CNTN1: variants seen among roughly 807,000 people sequenced by gnomAD.
The protein encoded by CNTN1 is contactin-1.
A neutral mutation model predicts 126.4 loss-of-function variants in CNTN1; 38 were observed. The observed-to-expected ratio is 0.30, with a 90% confidence interval of 0.23 to 0.39. CNTN1 has a LOEUF of 0.39. Among genes scored for constraint, CNTN1 ranks in the 10% least tolerant of loss-of-function variants. CNTN1 has a pLI of 1.00. For missense variants in CNTN1, 1,009 were observed against 1,248.4 expected (o/e 0.81, Z 2.89); for synonymous variants, 413 against 422.6 (o/e 0.98, Z 0.28).
chr12:40,795,588 C>G (rs1266287115), intron 1 of CNTN1, among the ~76,000 whole-genome samples: 1 of 151,996 alleles, frequency 6.6e-6, no homozygotes, highest in Non-Finnish European at 1.5e-5. Context: ...TACACACACA[C>G]ACACACATAT....
chr12:41,007,662 G>C (rs1948535847), intron 17 of CNTN1, among the ~76,000 whole-genome samples: 1 of 152,138 alleles, frequency 6.6e-6, no homozygotes, highest in African/African-American at 2.4e-5. Context: ...CTCACAGATT[G>C]GTTTGATCAG....
At chr12:40,981,154 T>C (rs1947808945) in intron 16 of CNTN1, 87 bp downstream of exon 16, 1 of 1,267,160 alleles carries the variant, frequency 7.9e-7, no homozygotes, top group African/African-American at 1.5e-5. Context: ...TTTAAAAATG[T>C]CATTATCTAC....
At chr12:40,974,782 T>A (rs1368761767) in intron 15 of CNTN1, among the ~76,000 whole-genome samples, 1 of 152,092 alleles carries the variant, frequency 6.6e-6, no homozygotes, top group Non-Finnish European at 1.5e-5. Context: ...AGCACTTACA[T>A]CATAGGGTTA....
chr12:40,831,066 G>GTAGATATACTATACATATAC (rs1941819461), intron 1 of CNTN1, among the ~76,000 whole-genome samples: 1 of 136,442 alleles, frequency 7.3e-6, no homozygotes, highest in African/African-American at 2.9e-5. Context: ...ATACAATACA[G>GTAGATATACTATACATATAC]TATATATACT....
At chr12:40,724,983 A>T (rs187480888) in intron 1 of CNTN1, among the ~76,000 whole-genome samples, 73 of 152,310 alleles carry the variant, frequency 4.8e-4, no homozygotes, top group Admixed American at 9.8e-4. Flanking sequence ...ATATAAAGAG[A>T]CCAAAATTAC....
intron 1 of CNTN1, among the ~76,000 whole-genome samples, chr12:40,899,553 C>A (rs774854868): frequency 6.6e-6 from 1 of 152,134 alleles, no homozygotes; most frequent in Non-Finnish European, 1.5e-5. Flanking sequence ...TATCATGCAT[C>A]TTCTAATTTT....
At chr12:40,830,392 T>C (rs1157642399) in intron 1 of CNTN1, among the ~76,000 whole-genome samples, 2 of 151,220 alleles carry the variant, frequency 1.3e-5, no homozygotes, top group Non-Finnish European at 3.0e-5. Flanking sequence ...GTATTAGATA[T>C]AATTGGAAAT....
At chr12:40,991,174 T>C (rs1320345142) in intron 16 of CNTN1, among the ~76,000 whole-genome samples, 2 of 152,224 alleles carry the variant, frequency 1.3e-5, no homozygotes, top group Non-Finnish European at 2.9e-5. Context: ...TTCTTTCAGC[T>C]TCTGATGGCT....
At chr12:40,740,934 A>T (rs576803851) in intron 1 of CNTN1, among the ~76,000 whole-genome samples, 19 of 152,186 alleles carry the variant, frequency 1.2e-4, no homozygotes, top group African/African-American at 4.1e-4. Flanking sequence ...TGAAGTCATT[A>T]TACCTCTTTT....
intron 1 of CNTN1, among the ~76,000 whole-genome samples, chr12:40,790,936 G>A (rs1343188648): frequency 1.3e-5 from 2 of 152,062 alleles, no homozygotes; most frequent in Admixed American, 6.6e-5. Context: ...GTTAGCCAAG[G>A]ATTGTCTTCA....
intron 1 of CNTN1, among the ~76,000 whole-genome samples, chr12:40,796,657 T>C (rs933392508): frequency 3.3e-5 from 5 of 152,116 alleles, no homozygotes; most frequent in African/African-American, 1.2e-4. Flanking sequence ...ACGAATGTTC[T>C]GTCTTAGGCA....
chr12:40,707,674 C>T (rs1428519229), intron 1 of CNTN1, among the ~76,000 whole-genome samples: 1 of 151,998 alleles, frequency 6.6e-6, no homozygotes, highest in East Asian at 1.9e-4. Context: ...ATCTACTGTG[C>T]TTGTCCAGAT....
At chr12:40,875,479 T>C (rs912768644) in intron 1 of CNTN1, among the ~76,000 whole-genome samples, 4 of 152,124 alleles carry the variant, frequency 2.6e-5, no homozygotes, top group African/African-American at 9.7e-5. Flanking sequence ...ATTTCAGGAA[T>C]GTTATAACAT....
chr12:40,775,590 G>A (rs944583241), intron 1 of CNTN1, among the ~76,000 whole-genome samples: 5 of 151,260 alleles, frequency 3.3e-5, no homozygotes, highest in African/African-American at 4.8e-5. Flanking sequence ...TTGAGAAATC[G>A]TTTCTCCTAA....
At chr12:40,954,814 C>T (rs1184797362) in intron 14 of CNTN1, among the ~76,000 whole-genome samples, 1 of 152,094 alleles carries the variant, frequency 6.6e-6, no homozygotes, top group Non-Finnish European at 1.5e-5. Context: ...CTATTATCTT[C>T]TCCCCGTGCA....
In CNTN1 at chr12:40,951,714, TTA is replaced by T. The variant is rs1491156612; in HGVS notation, c.1684-7399_1684-7398del. On this transcript the variant is annotated intron_variant, in intron 14 of 23. Coordinates refer to ENST00000551295, the MANE Select transcript of CNTN1 (RefSeq NM_001843.4). ...AAAGAGTGAGACTTTGTCTCAAAAT[TTA>T]AAAAAAAAAAAAAAAAAAAAAAAAA... Among the ~76,000 whole-genome samples, 137 of 79,620 alleles carry T rather than the reference TTA, an allele frequency of 1.7e-3. 11 individuals carry two copies. Among genetic ancestry groups the T allele is most frequent in the African/African-American group, 7.0e-3 (119 of 17,036 alleles). 52.2% of individuals were successfully genotyped at this position (79,620 alleles called of 152,430 possible).
At chr12:40,883,649 C>T (rs1427347138) in intron 1 of CNTN1, among the ~76,000 whole-genome samples, 1 of 151,490 alleles carries the variant, frequency 6.6e-6, no homozygotes, top group Non-Finnish European at 1.5e-5. Context: ...AGCTGTCTTC[C>T]ATCCTGTAAT....
chr12:40,991,646 G>A (rs903304846), intron 16 of CNTN1, among the ~76,000 whole-genome samples: 3 of 152,100 alleles, frequency 2.0e-5, no homozygotes, highest in African/African-American at 4.8e-5. Flanking sequence ...TGGCTAACAC[G>A]GTGAAATGCC....
At chr12:40,970,197 G>C (rs985436769) in intron 15 of CNTN1, among the ~76,000 whole-genome samples, 13 of 152,010 alleles carry the variant, frequency 8.6e-5, no homozygotes, top group Non-Finnish European at 1.6e-4. Flanking sequence ...CCCCTCTCTG[G>C]AGGAGTTTAG....
Sources: gnomAD v4.1 joint callset for allele counts (sites outside exome capture counted in the v4.1 genomes callset) on GRCh38, gnomAD v4.1.1 for gene constraint, MANE v1.5 for transcripts, NCBI Gene and HGNC (gene_info 2026-07-23, HGNC 2026-07-21) for gene names.